ELP4: variants seen among roughly 807,000 people sequenced by gnomAD.
The protein encoded by ELP4 is elongator complex protein 4.
A neutral mutation model predicts 48.9 loss-of-function variants in ELP4; 51 were observed. That is an observed-to-expected ratio of 1.04 (90% CI 0.83 to 1.32). The LOEUF (loss-of-function observed/expected upper bound fraction) is 1.32. Ranked by LOEUF, ELP4 falls within the 40% of genes most tolerant of loss-of-function variation. The pLI, the probability that ELP4 is intolerant of heterozygous loss-of-function variation, is 0.00. For synonymous variants in ELP4, 210 were observed against 189.2 expected (o/e 1.11, Z -0.90); for missense variants, 519 against 514.6 (o/e 1.01, Z -0.08).
intron 9 of ELP4, among the ~76,000 whole-genome samples, chr11:31,716,780 C>A (rs1946849392): frequency 6.6e-6 from 1 of 152,126 alleles, no homozygotes; most frequent in Non-Finnish European, 1.5e-5. Context: ...TTTCTATAAA[C>A]CTCCCTGTCT....
intron 3 of ELP4, among the ~76,000 whole-genome samples, chr11:31,573,243 T>G (rs1485144045): frequency 6.6e-6 from 1 of 152,204 alleles, no homozygotes; most frequent in African/African-American, 2.4e-5. Flanking sequence ...ACTTGACCCC[T>G]GGCAACCTCC....
intron 9 of ELP4, among the ~76,000 whole-genome samples, chr11:31,738,483 C>T (rs1947371398): frequency 6.6e-6 from 1 of 151,688 alleles, no homozygotes; most frequent in African/African-American, 2.4e-5. Context: ...CCTATAATCC[C>T]AGCACACTGC....
chr11:31,579,768 C>T (rs143269910), intron 3 of ELP4, among the ~76,000 whole-genome samples: 3,543 of 129,586 alleles, frequency 0.027, 143 homozygotes, highest in African/African-American at 0.1. Context: ...GGGAACATCA[C>T]ACACTGGGGC....
rs772741150 is a variant in ELP4, at chr11:31,509,934, G to A, written c.150G>A (p.Ala50=). 6.2e-7 allele frequency: 1 copy of A among 1,613,744 alleles called. No homozygotes were observed. The highest frequency in any genetic ancestry group is 1.7e-5 in the Admixed American group (1 of 60,022). The part of the protein sequence containing the change: ...NDSGPRLVSI[A]GTRPSVRNGQ... ...GCGGCCCTCGACTGGTGTCCATTGCGGGCACGCGACCGTCGGTGCGGAATG... is the reference window on the plus strand; with the variant it reads ...GCGGCCCTCGACTGGTGTCCATTGCAGGCACGCGACCGTCGGTGCGGAATG... The change falls in exon 1 of 10, where the codon GCG becomes GCA. Residue 50 remains alanine (A), a synonymous_variant. Coordinates refer to ENST00000640961, the MANE Select transcript of ELP4 (RefSeq NM_019040.5).
In ELP4 at chr11:31,783,556, C is replaced by A; in HGVS notation, c.*32C>A. On this transcript the variant is annotated 3_prime_UTR_variant, in exon 10 of 10. Transcript: ENST00000640961. ...CTCCTTAGTCGCTGCATGCAGAATT[C>A]TATGACACTCTAATTATGATTGCTA... is the stretch of plus-strand genomic sequence containing the variant. The A allele has an allele frequency of 1.2e-6, 2 of 1,600,764 alleles. No homozygotes were observed. Among genetic ancestry groups the A allele is most frequent in the Non-Finnish European group, 1.7e-6 (2 of 1,171,228 alleles).
chr11:31,542,545 A>G (rs1265341321), intron 3 of ELP4, among the ~76,000 whole-genome samples: 1 of 152,220 alleles, frequency 6.6e-6, no homozygotes, highest in Non-Finnish European at 1.5e-5. Context: ...ATGAGGCATC[A>G]GGTGGAGTAT....
At chr11:31,657,652 T>G (rs1202721713) in intron 9 of ELP4, among the ~76,000 whole-genome samples, 3 of 151,948 alleles carry the variant, frequency 2.0e-5, no homozygotes, top group Non-Finnish European at 4.4e-5. Flanking sequence ...ATTATTATAT[T>G]TAATTTTAAT....
At chr11:31,739,320 G>A (rs1947395588) in intron 9 of ELP4, among the ~76,000 whole-genome samples, 1 of 152,152 alleles carries the variant, frequency 6.6e-6, no homozygotes, top group African/African-American at 2.4e-5. Flanking sequence ...CAAAGTGTGA[G>A]ACTGATATTT....
intron 9 of ELP4, among the ~76,000 whole-genome samples, chr11:31,679,662 G>A (rs184256244): frequency 4.6e-5 from 7 of 152,180 alleles, no homozygotes; most frequent in East Asian, 1.9e-4. Flanking sequence ...GATACTATGC[G>A]TAAGGGCTTT....
intron 9 of ELP4, among the ~76,000 whole-genome samples, chr11:31,662,048 C>T (rs1945568886): frequency 1.3e-5 from 2 of 151,986 alleles, no homozygotes; most frequent in Non-Finnish European, 2.9e-5. Context: ...TTCAGTTTGG[C>T]TTGTTCAGAA....
intron 3 of ELP4, among the ~76,000 whole-genome samples, chr11:31,566,938 A>T (rs1237189621): frequency 6.6e-6 from 1 of 152,200 alleles, no homozygotes; most frequent in Non-Finnish European, 1.5e-5. Context: ...TTTCTGGCTC[A>T]TAGTCATTGA....
At chr11:31,713,376 C>A (rs935578503) in intron 9 of ELP4, among the ~76,000 whole-genome samples, 3 of 152,118 alleles carry the variant, frequency 2.0e-5, no homozygotes, top group African/African-American at 7.2e-5. Context: ...CTGCCTCAAT[C>A]ATTTCTTGCC....
intron 3 of ELP4, among the ~76,000 whole-genome samples, chr11:31,586,334 G>A (rs916896558): frequency 6.6e-6 from 1 of 152,122 alleles, no homozygotes; most frequent in African/African-American, 2.4e-5. Flanking sequence ...TTGGAAATAA[G>A]GAAAAGGAGA....
At chr11:31,760,013 T>C (rs1377519281) in intron 9 of ELP4, among the ~76,000 whole-genome samples, 1 of 152,186 alleles carries the variant, frequency 6.6e-6, no homozygotes, top group Non-Finnish European at 1.5e-5. Context: ...CAGTGTTTTC[T>C]GATTACCAGC....
chr11:31,559,235 A>C (rs889047799), intron 3 of ELP4, among the ~76,000 whole-genome samples: 9 of 152,218 alleles, frequency 5.9e-5, no homozygotes, highest in Non-Finnish European at 1.3e-4. Context: ...TGATTCCTTC[A>C]GTGGCTAGTG....
At chr11:31,636,311 A>T (rs1406437545) in intron 7 of ELP4, among the ~76,000 whole-genome samples, 1 of 152,004 alleles carries the variant, frequency 6.6e-6, no homozygotes, top group Non-Finnish European at 1.5e-5. Context: ...ATCCTTGAAA[A>T]TTTTATCATA....
chr11:31,530,714 C>A (rs1300678428), intron 2 of ELP4, among the ~76,000 whole-genome samples: 1 of 152,120 alleles, frequency 6.6e-6, no homozygotes, highest in Non-Finnish European at 1.5e-5. Context: ...TATAGTCCAA[C>A]AGATATTTGA....
At chr11:31,510,104 C>T (rs1008521430) in intron 1 of ELP4, 97 bp downstream of exon 1, 20 of 1,143,312 alleles carry the variant, frequency 1.7e-5, no homozygotes, top group Non-Finnish European at 2.5e-5. Flanking sequence ...TTTCTGACCC[C>T]TAAACCTTCG....
intron 4 of ELP4, among the ~76,000 whole-genome samples, chr11:31,601,570 A>C (rs879531527): frequency 1.3e-5 from 2 of 152,168 alleles, no homozygotes; most frequent in Admixed American, 6.5e-5. Context: ...GATTTCTATC[A>C]CATTAATATT....
Sources: allele counts gnomAD v4.1 joint callset (sites outside exome capture counted in the v4.1 genomes callset), GRCh38; gene constraint gnomAD v4.1.1; transcripts MANE v1.5; gene names NCBI Gene and HGNC (gene_info 2026-07-23, HGNC 2026-07-21).